The following LUC7L variants were observed in gnomAD, a reference collection of about 807,000 sequenced individuals.
The protein encoded by LUC7L is LUC7 like.
A neutral mutation model predicts 51.1 loss-of-function variants in LUC7L; 29 were observed. That is an observed-to-expected ratio of 0.57 (90% CI 0.42 to 0.77). The LOEUF (loss-of-function observed/expected upper bound fraction) is 0.77, where lower values mean the gene tolerates loss of function less well. Ranked by LOEUF, LUC7L falls within the 30% of genes least tolerant of loss-of-function variation. The probability of loss-of-function intolerance (pLI) is 0.00; values close to 1 mark genes in which losing one functional copy is unlikely to be tolerated. For synonymous variants in LUC7L, 181 were observed against 180.7 expected (o/e 1.00, Z -0.01); for missense variants, 403 against 511.9 (o/e 0.79, Z 2.05).
chr16:213,009 C>T lies in LUC7L; in HGVS notation c.256-4821G>A, dbSNP rs74357538. On this transcript the variant is annotated intron_variant, in intron 3 of 9. Coordinates refer to ENST00000293872, the MANE Select transcript of LUC7L (RefSeq NM_201412.3). ...GAATTCCTGGGCTCAAGCAATCTTC[C>T]GGCCTCTGCCTCCCACCAAAGTACT... Among the ~76,000 whole-genome samples the T allele has an allele frequency of 3.3e-3, 497 of 152,266 alleles. 7 individuals are homozygous for T. Among genetic ancestry groups the T allele is most frequent in the African/African-American group, 0.011 (465 of 41,552 alleles).
intron 3 of LUC7L, among the ~76,000 whole-genome samples, chr16:213,766 G>C (rs1410532217): frequency 6.6e-6 from 1 of 152,050 alleles, no homozygotes; most frequent in Non-Finnish European, 1.5e-5. Flanking sequence ...CTGGACTGGA[G>C]TGCAGTGGCG....
chr16:204,345 C>T (rs1341637071), intron 5 of LUC7L, among the ~76,000 whole-genome samples: 1 of 151,750 alleles, frequency 6.6e-6, no homozygotes, highest in Non-Finnish European at 1.5e-5. Context: ...TCCTGTAATC[C>T]CAGCAGTTTG....
At chr16:209,616 T>C (rs1019742480) in intron 3 of LUC7L, 3 of 152,142 alleles carry the variant, frequency 2.0e-5, no homozygotes, top group Non-Finnish European at 4.4e-5. Flanking sequence ...ATAAATAAGT[T>C]TGTTTTGCAA....
intron 3 of LUC7L, among the ~76,000 whole-genome samples, chr16:210,405 C>A (rs568707953): frequency 1.3e-5 from 2 of 152,328 alleles, no homozygotes; most frequent in African/African-American, 4.8e-5. Context: ...TGCTTCTATG[C>A]ACCTGTACAC....
At chr16:217,180 C>T (rs140289554) in intron 3 of LUC7L, among the ~76,000 whole-genome samples, 4 of 152,098 alleles carry the variant, frequency 2.6e-5, no homozygotes, top group African/African-American at 7.2e-5. Context: ...CCATGCCCAG[C>T]TAATTTTTGT....
intron 3 of LUC7L, among the ~76,000 whole-genome samples, chr16:214,756 G>A (rs887671365): frequency 6.6e-6 from 1 of 152,096 alleles, no homozygotes; most frequent in African/African-American, 2.4e-5. Flanking sequence ...CTCCAACTGG[G>A]CTCATGCGAC....
intron 3 of LUC7L, among the ~76,000 whole-genome samples, chr16:219,288 C>T (rs1160489688): frequency 6.6e-6 from 1 of 152,056 alleles, no homozygotes; most frequent in Non-Finnish European, 1.5e-5. Flanking sequence ...ACTTGGGAGG[C>T]TAAGGCAGGA....
At chr16:220,496 T>G (rs1882321168) in intron 3 of LUC7L, 153 bp downstream of exon 3, 3 of 648,876 alleles carry the variant, frequency 4.6e-6, no homozygotes, top group Non-Finnish European at 8.2e-6. Context: ...ATATAAACAG[T>G]ACTGGCTGTA....
chr16:214,986 C>T (rs1355452396), intron 3 of LUC7L, among the ~76,000 whole-genome samples: 1 of 152,042 alleles, frequency 6.6e-6, no homozygotes, highest in South Asian at 2.1e-4. Context: ...AGGAGAATAG[C>T]TTGAGGCCAG....
Position 220,702 on chromosome 16 carries a change from G to T in LUC7L, c.202C>A (p.Arg68=), listed in dbSNP as rs373487167. Residue 68 remains arginine (R), a synonymous_variant, in exon 3 of 10, where the codon CGA becomes AGA. Coordinates refer to ENST00000293872, the MANE Select transcript of LUC7L (RefSeq NM_201412.3). ...ECTKIHDLAL[R]ADYEIASKER... ...TTACTTGCAATCTCATAATCTGCTCGGAGGGCCAAGTCGTGGATTTTGGTA... is the reference window on the plus strand; with the variant it reads ...TTACTTGCAATCTCATAATCTGCTCTGAGGGCCAAGTCGTGGATTTTGGTA... The T allele has an allele frequency of 8.7e-6, 14 of 1,613,978 alleles. No homozygotes were observed. The highest frequency in any genetic ancestry group is 1.1e-5 in the Non-Finnish European group (13 of 1,179,958).
chr16:199,292 A>C (rs1021271618), intron 5 of LUC7L, 54 bp from the exon 6 acceptor site: 2 of 1,126,618 alleles, frequency 1.8e-6, no homozygotes, highest in Non-Finnish European at 1.3e-6. Flanking sequence ...TGCCACCACA[A>C]ATTCAATCTC....
chr16:207,766 T>C (rs1453667710), intron 4 of LUC7L, among the ~76,000 whole-genome samples: 1 of 152,082 alleles, frequency 6.6e-6, no homozygotes, highest in Non-Finnish European at 1.5e-5. Flanking sequence ...TCCCAGCACT[T>C]TGGGAGGCTG....
intron 3 of LUC7L, among the ~76,000 whole-genome samples, chr16:210,222 G>A (rs900958063): frequency 6.6e-6 from 1 of 152,160 alleles, no homozygotes; most frequent in African/African-American, 2.4e-5. Context: ...GGGAAGCAGA[G>A]GTTGCAGTGA....
intron 7 of LUC7L, 121 bp downstream of exon 7, chr16:192,806 C>G (rs1407639518): frequency 1.6e-5 from 14 of 886,512 alleles, no homozygotes; most frequent in Non-Finnish European, 2.6e-5. Context: ...CCTGGCCTTA[C>G]TATTTTCTTT....
chr16:193,113 A>C, intron 6 of LUC7L, 98 bp from the exon 7 acceptor site: 1 of 939,750 alleles, frequency 1.1e-6, no homozygotes, highest in African/African-American at 1.6e-5. Flanking sequence ...CAGTATTGGT[A>C]ATTTAAAAAT....
chr16:222,971 G>C (rs200676424), intron 2 of LUC7L, among the ~76,000 whole-genome samples: 4 of 137,318 alleles, frequency 2.9e-5, no homozygotes, highest in African/African-American at 1.1e-4. Flanking sequence ...AAAAAAAAAA[G>C]AAAGGAAGGC....
chr16:196,654 A>G (rs1353391677), intron 6 of LUC7L, among the ~76,000 whole-genome samples: 1 of 151,374 alleles, frequency 6.6e-6, no homozygotes, highest in Admixed American at 6.6e-5. Context: ...CAGCCTGCCA[A>G]GTAGCTGAGA....
chr16:226,240 T>C (rs2142124881), intron 2 of LUC7L, among the ~76,000 whole-genome samples: 1 of 152,306 alleles, frequency 6.6e-6, no homozygotes, highest in Admixed American at 6.5e-5. Flanking sequence ...CTCCCTAATA[T>C]AAGCAATGAT....
intron 2 of LUC7L, among the ~76,000 whole-genome samples, chr16:222,489 T>G (rs1379737741): frequency 6.6e-6 from 1 of 151,860 alleles, no homozygotes; most frequent in Non-Finnish European, 1.5e-5. Context: ...AAATTAACAA[T>G]TAGCTGGGTG....
Sources: allele counts gnomAD v4.1 joint callset (sites outside exome capture counted in the v4.1 genomes callset), GRCh38; gene constraint gnomAD v4.1.1; transcripts MANE v1.5; gene names NCBI Gene and HGNC (gene_info 2026-07-23, HGNC 2026-07-21).